The following ITGA9 variants were observed in gnomAD, a reference collection of about 807,000 sequenced individuals.
ITGA9 encodes integrin alpha-9.
ITGA9 carries 56 observed loss-of-function variants against 127.8 expected under a neutral mutation model. That is an observed-to-expected ratio of 0.44 (90% confidence interval 0.35 to 0.55). The LOEUF is 0.55. Ranked by LOEUF, ITGA9 falls within the 20% of genes least tolerant of loss-of-function variation. The probability of loss-of-function intolerance (pLI) is 0.00; values close to 1 mark genes in which losing one functional copy is unlikely to be tolerated. For synonymous variants in ITGA9, 508 were observed against 514.5 expected (o/e 0.99, Z 0.17); for missense variants, 1,196 against 1,347.1 (o/e 0.89, Z 1.76).
chr3:37,698,992 C>T (rs575900892), intron 18 of ITGA9, among the ~76,000 whole-genome samples: 103 of 152,198 alleles, frequency 6.8e-4, no homozygotes, highest in Non-Finnish European at 1.4e-3. Flanking sequence ...TCTGCACTCC[C>T]TTCTTCTGGG....
At chr3:37,647,978 A>G (rs1301686288) in intron 16 of ITGA9, among the ~76,000 whole-genome samples, 2 of 152,224 alleles carry the variant, frequency 1.3e-5, no homozygotes, top group Non-Finnish European at 2.9e-5. Context: ...TAATGCTGCA[A>G]TGAACATGGA....
rs79341383 is a variant in ITGA9, at chr3:37,457,714, G to C, written c.185+5155G>C. Among the ~76,000 whole-genome samples, 52 of 152,300 alleles carry C rather than the reference G, an allele frequency of 3.4e-4. 1 individual carries two copies. In the East Asian group the frequency reaches 7.3e-3, roughly 21 times the overall value. On this transcript the variant is annotated intron_variant, in intron 1 of 27. Coordinates refer to ENST00000264741, the MANE Select transcript of ITGA9 (RefSeq NM_002207.3). ...ATATATGAGGCCTGAGTTCCAAGGG[G>C]ATCCAAAAAGCATCTTCTCGGGGTT...
chr3:37,640,947 G>T (rs1204474989), intron 16 of ITGA9, among the ~76,000 whole-genome samples: 1 of 152,210 alleles, frequency 6.6e-6, no homozygotes, highest in East Asian at 1.9e-4. Context: ...TGGGAAGCCG[G>T]CTTCCTGGTG....
At chr3:37,678,183 A>AT (rs1700701078) in intron 17 of ITGA9, among the ~76,000 whole-genome samples, 3 of 152,212 alleles carry the variant, frequency 2.0e-5, no homozygotes, top group South Asian at 4.1e-4. Flanking sequence ...ATTGGGTAAT[A>AT]AACCCAAAAG....
At position 37,732,740 on chromosome 3, in the gene ITGA9, T is replaced by A. The variant is rs917137238; in HGVS notation, c.2096T>A (p.Leu699Gln). The A allele has an allele frequency of 1.9e-6, 3 of 1,611,144 alleles. No individual in the cohort carries two copies. The highest frequency in any genetic ancestry group is 2.5e-6 in the Non-Finnish European group (3 of 1,179,210). ...GAGATGGGCATCTCCTGTGAGCTGC[T>A]GGAATCGGACTTCCTCAAATGCAGC... ...KEEMGISCEL[L>Q]ESDFLKCSVG... is the part of the protein sequence containing the mutation. The change falls in exon 19 of 28, where the codon CTG (leucine) becomes CAG (glutamine). Residue 699 changes from leucine (L) to glutamine (Q), a missense_variant. Transcript: ENST00000264741.
At chr3:37,551,991 G>A (rs1319256982) in intron 15 of ITGA9, among the ~76,000 whole-genome samples, 1 of 152,260 alleles carries the variant, frequency 6.6e-6, no homozygotes, top group Admixed American at 6.5e-5. Context: ...AGAGGCTGGA[G>A]TGAGTGGCTT....
At chr3:37,627,449 TCCCCCCGCAG>T (rs372851412) in intron 15 of ITGA9, among the ~76,000 whole-genome samples, 56 of 151,516 alleles carry the variant, frequency 3.7e-4, no homozygotes, top group Middle Eastern at 3.4e-3. Flanking sequence ...TCACCTCCTC[TCCCCCCGCAG>T]CCCCGAGGAA....
rs552452929 is a variant in ITGA9 at position 37,692,408 on chromosome 3, A to AGTGT, written c.2067+8394_2067+8395insTGTG. Among the ~76,000 whole-genome samples, 213 of 137,778 alleles carry AGTGT rather than the reference A, an allele frequency of 1.5e-3. 2 individuals carry two copies. The highest frequency in any genetic ancestry group is 5.5e-3 in the South Asian group (25 of 4,522). The allele number at this position is 137,778 out of a possible 152,430, so 90.4% of individuals were successfully genotyped here. The stretch of plus-strand genomic sequence containing the variant: ...GTCTTAATGAAGGATTGAGAGAGAG[A>AGTGT]GAGAGTGTGTGTGTGTGTGTGTGTG... On this transcript the variant is annotated intron_variant, in intron 18 of 27. Transcript: ENST00000264741.
chr3:37,686,792 T>C (rs1206268517), intron 18 of ITGA9, among the ~76,000 whole-genome samples: 1 of 151,746 alleles, frequency 6.6e-6, no homozygotes, highest in Non-Finnish European at 1.5e-5. Flanking sequence ...ACCCTCAGGG[T>C]GGCAGGAAAA....
chr3:37,754,265 A>G (rs991250595), intron 23 of ITGA9, among the ~76,000 whole-genome samples: 25 of 152,214 alleles, frequency 1.6e-4, no homozygotes, highest in African/African-American at 6.0e-4. Flanking sequence ...GCTTTATCTC[A>G]GACTGCAAGC....
At chr3:37,742,682 A>C (rs1426825946) in intron 21 of ITGA9, among the ~76,000 whole-genome samples, 1 of 152,194 alleles carries the variant, frequency 6.6e-6, no homozygotes, top group Non-Finnish European at 1.5e-5. Context: ...TTCGGTTTTC[A>C]AGTGCTTCTG....
chr3:37,602,537 T>C (rs1699931518), intron 15 of ITGA9, among the ~76,000 whole-genome samples: 1 of 152,200 alleles, frequency 6.6e-6, no homozygotes, highest in South Asian at 2.1e-4. Flanking sequence ...GCATCATACT[T>C]AAAGGATTCA....
At chr3:37,638,293 G>A (rs1700300271) in intron 16 of ITGA9, among the ~76,000 whole-genome samples, 1 of 152,098 alleles carries the variant, frequency 6.6e-6, no homozygotes, top group African/African-American at 2.4e-5. Context: ...GTATGGCGAG[G>A]TATGTGGCAG....
Position 37,563,528 on chromosome 3 carries a change from A to T in ITGA9, c.1689+20943A>T, listed in dbSNP as rs148408791. Among the ~76,000 whole-genome samples, 98 of 152,286 alleles carry T rather than the reference A, an allele frequency of 6.4e-4. 1 individual carries two copies. The East Asian group carries it at 0.018, about 28-fold the overall frequency. On this transcript the variant is annotated intron_variant, in intron 15 of 27. Transcript: ENST00000264741. ...GGATAATCCCACCTCCCCATTCTGG[A>T]TGTGCCAGCACTTTTCCTACTCATC...
At chr3:37,676,704 A>G (rs1419229608) in intron 17 of ITGA9, among the ~76,000 whole-genome samples, 2 of 152,218 alleles carry the variant, frequency 1.3e-5, no homozygotes, top group Non-Finnish European at 2.9e-5. Flanking sequence ...TTGGTCACTC[A>G]AGAAAACTTG....
chr3:37,487,606 G>T (rs982263663), intron 4 of ITGA9, among the ~76,000 whole-genome samples: 2 of 152,144 alleles, frequency 1.3e-5, no homozygotes, highest in Admixed American at 6.5e-5. Context: ...TAACATTTTT[G>T]ATCTTACTGA....
At chr3:37,529,970 A>G (rs1699131945) in intron 13 of ITGA9, among the ~76,000 whole-genome samples, 1 of 152,186 alleles carries the variant, frequency 6.6e-6, no homozygotes, top group Admixed American at 6.5e-5. Context: ...CCAAGATAGG[A>G]ATAAGGTCAG....
rs546302732 is a variant in ITGA9 at position 37,629,662 on chromosome 3, G to A, written c.1839+326G>A. 2 of 581,856 alleles carry A rather than the reference G, an allele frequency of 3.4e-6. No individual in the cohort carries two copies. The highest frequency in any genetic ancestry group is 6.1e-6 in the Non-Finnish European group (2 of 326,556). The allele number at this position is 581,856 out of a possible 1,614,324, so 36.0% of individuals were successfully genotyped here. ...TAGACTGTTTTCAGAGCTTAGATTG[G>A]TGGATAGTAGGTGCTTAATGAATGT... is the stretch of plus-strand genomic sequence containing the variant. On this transcript the variant is annotated intron_variant, in intron 16 of 27. Coordinates refer to ENST00000264741, the MANE Select transcript of ITGA9 (RefSeq NM_002207.3). The surrounding 1 kb of genome is among the most constrained non-coding windows in gnomAD (Gnocchi z 4.5).
intron 23 of ITGA9, among the ~76,000 whole-genome samples, chr3:37,769,314 G>A (rs2685101): frequency 0.49 from 72,107 of 147,350 alleles, 18,108 homozygotes; most frequent in African/African-American, 0.55. Context: ...CTCCAGCCTG[G>A]GCAATAAGAG....
Sources: allele counts gnomAD v4.1 joint callset (sites outside exome capture counted in the v4.1 genomes callset), GRCh38; gene constraint gnomAD v4.1.1; non-coding constraint Gnocchi (gnomAD v3.1); transcripts MANE v1.5; gene names NCBI Gene and HGNC (gene_info 2026-07-23, HGNC 2026-07-21).